NCAM2: variants seen among roughly 807,000 people sequenced by gnomAD.
The protein encoded by NCAM2 is neural cell adhesion molecule 2, also known as N-CAM-2.
Under a neutral mutation model 98.1 loss-of-function variants are expected in NCAM2, and 30 were observed. That is an observed-to-expected ratio of 0.31 (90% CI 0.23 to 0.41). The LOEUF (loss-of-function observed/expected upper bound fraction) is 0.41, where lower values mean the gene tolerates loss of function less well. NCAM2 is among the 10% of genes least tolerant of loss of function. NCAM2 has a pLI of 1.00. For missense variants in NCAM2, 867 were observed against 1,005.8 expected, an observed-to-expected ratio of 0.86 and a Z score of 1.87; for synonymous variants, 368 against 342.4, an observed-to-expected ratio of 1.07 and a Z score of -0.83.
chr21:21,398,111 A>G (rs1569019185), intron 9 of NCAM2, among the ~76,000 whole-genome samples: 1 of 152,258 alleles, frequency 6.6e-6, no homozygotes, highest in Non-Finnish European at 1.5e-5. Flanking sequence ...TGGCATTTGT[A>G]GCAGCCTAGT....
chr21:21,034,131 T>A (rs2064750737), intron 1 of NCAM2, among the ~76,000 whole-genome samples: 1 of 152,054 alleles, frequency 6.6e-6, no homozygotes, highest in African/African-American at 2.4e-5. Context: ...TTCAATCTCC[T>A]AGTCCTGAGA....
At chr21:21,286,768 G>C (rs1284705575) in intron 4 of NCAM2, among the ~76,000 whole-genome samples, 2 of 151,798 alleles carry the variant, frequency 1.3e-5, no homozygotes, top group Non-Finnish European at 1.5e-5. Flanking sequence ...TTAGTACCTG[G>C]AGATTTACAG....
chr21:21,297,112 T>G (rs1026523767), intron 5 of NCAM2, among the ~76,000 whole-genome samples: 4 of 151,756 alleles, frequency 2.6e-5, no homozygotes, highest in Admixed American at 6.6e-5. Flanking sequence ...TTAATGACTA[T>G]AGGATGTTGT....
chr21:21,284,279 A>G lies in NCAM2; in HGVS notation c.216A>G (p.Glu72=). ...ISTQRVVVQK[E]GVRSRLTIYN... ...CACAGAGGGTAGTAGTGCAAAAGGA[A>G]GGTGTTAGGTCACGGTTAACCATCT... The change falls in exon 3 of 18, where the codon GAA becomes GAG. Residue 72 remains glutamate, a synonymous_variant. Transcript: ENST00000400546. The G allele has an allele frequency of 6.2e-7, 1 of 1,611,940 alleles. No homozygotes were observed. Among genetic ancestry groups the G allele is most frequent in the Non-Finnish European group, 8.5e-7 (1 of 1,178,274 alleles).
intron 1 of NCAM2, among the ~76,000 whole-genome samples, chr21:21,277,449 C>G (rs1406811799): frequency 3.3e-5 from 5 of 152,006 alleles, no homozygotes; most frequent in Admixed American, 2.6e-4. Context: ...TTGTAAAGTT[C>G]ATGATATTTT....
At chr21:21,037,530 A>G (rs904893291) in intron 1 of NCAM2, among the ~76,000 whole-genome samples, 7 of 152,180 alleles carry the variant, frequency 4.6e-5, no homozygotes, top group African/African-American at 1.4e-4. Context: ...TTTCAGTTTG[A>G]TATAATTCTT....
At chr21:21,290,159 T>C (rs933212944) in intron 4 of NCAM2, 2 of 151,910 alleles carry the variant, frequency 1.3e-5, no homozygotes, top group African/African-American at 4.8e-5. Flanking sequence ...CAGGTGGAGA[T>C]GTTGAGCTAA....
intron 16 of NCAM2, among the ~76,000 whole-genome samples, chr21:21,514,430 A>C (rs1988587332): frequency 7.0e-6 from 1 of 142,998 alleles, no homozygotes; most frequent in African/African-American, 2.6e-5. Flanking sequence ...GAGCCATTGT[A>C]CTCCTGGCTG....
At chr21:21,533,296 C>A (rs1772516053) in intron 16 of NCAM2, among the ~76,000 whole-genome samples, 4 of 151,294 alleles carry the variant, frequency 2.6e-5, no homozygotes, top group Admixed American at 2.6e-4. Context: ...CACCCTTCCT[C>A]TAGTCCCTGG....
At chr21:21,016,574 T>G (rs1305538875) in intron 1 of NCAM2, among the ~76,000 whole-genome samples, 1 of 152,092 alleles carries the variant, frequency 6.6e-6, no homozygotes, top group Non-Finnish European at 1.5e-5. Context: ...CAAGTTGCCA[T>G]AAAAGAAAAC....
chr21:21,239,403 A>G (rs756024944), intron 1 of NCAM2: 1 of 152,158 alleles, frequency 6.6e-6, no homozygotes, highest in African/African-American at 2.4e-5. Flanking sequence ...CCCATCATCT[A>G]TATATAGGGT....
chr21:21,091,556 C>A (rs2066012445), intron 1 of NCAM2, among the ~76,000 whole-genome samples: 1 of 152,060 alleles, frequency 6.6e-6, no homozygotes, highest in Admixed American at 6.6e-5. Context: ...ACTTACAGTT[C>A]CATGTGGCTG....
At chr21:21,273,482 G>A (rs960396398) in intron 1 of NCAM2, among the ~76,000 whole-genome samples, 1 of 152,072 alleles carries the variant, frequency 6.6e-6, no homozygotes, top group South Asian at 2.1e-4. Context: ...GAGGTGTCAG[G>A]AAACAGGAGG....
At chr21:21,297,183 T>C (rs746294183) in intron 5 of NCAM2, among the ~76,000 whole-genome samples, 2 of 151,702 alleles carry the variant, frequency 1.3e-5, no homozygotes, top group Non-Finnish European at 2.9e-5. Context: ...ATATTTTATA[T>C]TGAGCCTGGA....
At chr21:21,188,338 A>G (rs2068706746) in intron 1 of NCAM2, among the ~76,000 whole-genome samples, 2 of 152,178 alleles carry the variant, frequency 1.3e-5, no homozygotes, top group Admixed American at 1.3e-4. Context: ...TGGAAGTGAG[A>G]ACAAATTTGG....
At chr21:21,458,245 T>C (rs1259893941) in intron 12 of NCAM2, among the ~76,000 whole-genome samples, 8 of 152,186 alleles carry the variant, frequency 5.3e-5, no homozygotes, top group Non-Finnish European at 1.2e-4. Flanking sequence ...GGGTGCCCCT[T>C]CAGAGAACAT....
intron 1 of NCAM2, among the ~76,000 whole-genome samples, chr21:21,262,658 CAAAAAAAAAAA>C (rs33912324): frequency 6.3e-5 from 5 of 78,968 alleles, no homozygotes; most frequent in East Asian, 9.8e-4. Context: ...AACAATCAGT[CAAAAAAAAAAA>C]AAAAAAAAAG....
At position 21,217,781 on chromosome 21, in the gene NCAM2, T is replaced by C. The variant is rs920294830; in HGVS notation, c.56-62797T>C. On this transcript the variant is annotated intron_variant, in intron 1 of 17. Transcript: ENST00000400546. ...TCAAAAAGTAATGGCAGAGGTGAGT[T>C]GATGCAGAAGGGGAGGGTGGAGGGA... is the stretch of plus-strand genomic sequence containing the variant. 4.6e-5 allele frequency among the ~76,000 whole-genome samples: 7 copies of C among 152,030 alleles called. No individual in the cohort carries two copies. In the South Asian group the frequency reaches 1.5e-3, roughly 32 times the overall value.
intron 1 of NCAM2, among the ~76,000 whole-genome samples, chr21:21,195,781 T>C (rs1376157420): frequency 6.6e-6 from 1 of 152,164 alleles, no homozygotes. Context: ...TAATGCACAC[T>C]CCAAAGTGTA....
Sources: allele counts gnomAD v4.1 joint callset (sites outside exome capture counted in the v4.1 genomes callset), GRCh38; gene constraint gnomAD v4.1.1; transcripts MANE v1.5; gene names NCBI Gene and HGNC (gene_info 2026-07-23, HGNC 2026-07-21).